HIPK2: variants seen among roughly 807,000 people sequenced by gnomAD.
The protein encoded by HIPK2 is homeodomain-interacting protein kinase 2.
Under a neutral mutation model 113.7 loss-of-function variants are expected in HIPK2, and 27 were observed. The ratio of observed to expected loss-of-function variants is 0.24; its 90% CI spans 0.17 to 0.33. The LOEUF is 0.33. Ranked by LOEUF, HIPK2 falls within the 10% of genes least tolerant of loss-of-function variation. The pLI is 1.00. For synonymous variants in HIPK2, 631 were observed against 642.2 expected, an observed-to-expected ratio of 0.98 and a Z score of 0.26; for missense variants, 1,257 against 1,588.0, an observed-to-expected ratio of 0.79 and a Z score of 3.54.
intron 1 of HIPK2, among the ~76,000 whole-genome samples, chr7:139,761,841 T>C (rs1315392561): frequency 6.6e-6 from 1 of 151,872 alleles, no homozygotes; most frequent in East Asian, 1.9e-4. Context: ...AATCAGATAA[T>C]AAAACAGTAA....
At position 139,777,687 on chromosome 7, in the gene HIPK2, C is replaced by T; in HGVS notation, c.-64G>A. On this transcript the variant is annotated 5_prime_UTR_variant, in exon 1 of 15. Coordinates refer to ENST00000406875, the MANE Select transcript of HIPK2 (RefSeq NM_022740.5). Reference sequence around the variant, plus strand: ...GGAAAGCGGCGCGCGAGCTCGGCCCCCCCAGCCTCAGTCGGAATCTGCCAT... The same window carrying T: ...GGAAAGCGGCGCGCGAGCTCGGCCCTCCCAGCCTCAGTCGGAATCTGCCAT... 1.7e-5 allele frequency: 18 copies of T among 1,084,772 alleles called. No homozygotes were observed. The highest frequency in any genetic ancestry group is 1.9e-5 in the Non-Finnish European group (17 of 892,612). The allele number at this position is 1,084,772 out of a possible 1,614,324, so 67.2% of individuals were successfully genotyped here.
At chr7:139,617,238 T>TA (rs1009160796) in intron 7 of HIPK2, among the ~76,000 whole-genome samples, 9 of 152,046 alleles carry the variant, frequency 5.9e-5, no homozygotes, top group Middle Eastern at 3.4e-3. Flanking sequence ...AAAAACAAGT[T>TA]AAAAAAAATC....
chr7:139,594,050 T>C (rs1380617459), intron 12 of HIPK2, among the ~76,000 whole-genome samples: 3 of 151,966 alleles, frequency 2.0e-5, no homozygotes, highest in African/African-American at 7.3e-5. Context: ...GATAAGCTCC[T>C]GCACAGGGGT....
At chr7:139,696,947 C>T (rs1794584635) in intron 2 of HIPK2, among the ~76,000 whole-genome samples, 1 of 152,128 alleles carries the variant, frequency 6.6e-6, no homozygotes, top group South Asian at 2.1e-4. Flanking sequence ...GGTCAGGAAG[C>T]CGGGATGCAG....
At chr7:139,658,149 T>C (rs1312604110) in intron 2 of HIPK2, among the ~76,000 whole-genome samples, 1 of 152,076 alleles carries the variant, frequency 6.6e-6, no homozygotes, top group Non-Finnish European at 1.5e-5. Context: ...CTACTAAAAA[T>C]AGAAAAATTA....
intron 2 of HIPK2, among the ~76,000 whole-genome samples, chr7:139,655,367 T>G (rs1488688871): frequency 6.6e-6 from 1 of 152,208 alleles, no homozygotes; most frequent in Non-Finnish European, 1.5e-5. Flanking sequence ...GTGGAGCCAG[T>G]AGAGAGTGAA....
chr7:139,664,882 TC>T (rs1220533121), intron 2 of HIPK2, among the ~76,000 whole-genome samples: 1 of 152,214 alleles, frequency 6.6e-6, no homozygotes, highest in Non-Finnish European at 1.5e-5. Flanking sequence ...TGCATAGACA[TC>T]CTACAGATAT....
At chr7:139,753,567 T>C (rs1358990583) in intron 1 of HIPK2, among the ~76,000 whole-genome samples, 1 of 152,140 alleles carries the variant, frequency 6.6e-6, no homozygotes, top group African/African-American at 2.4e-5. Flanking sequence ...CAGCTCAGAG[T>C]GCATTTTTTT....
chr7:139,574,933 G>A (rs947818152), intron 14 of HIPK2, among the ~76,000 whole-genome samples, 195 bp downstream of exon 14: 1 of 152,252 alleles, frequency 6.6e-6, no homozygotes, highest in African/African-American at 2.4e-5. Flanking sequence ...CTGTGCACTG[G>A]TGATATCAAC....
intron 11 of HIPK2, among the ~76,000 whole-genome samples, chr7:139,599,002 C>T (rs765485295): frequency 1.7e-4 from 26 of 152,230 alleles, no homozygotes; most frequent in Non-Finnish European, 3.4e-4. Flanking sequence ...ATGACAACTT[C>T]AGCCCTTGGA....
chr7:139,689,879 C>T (rs1794345251), intron 2 of HIPK2, among the ~76,000 whole-genome samples: 1 of 152,034 alleles, frequency 6.6e-6, no homozygotes, highest in Non-Finnish European at 1.5e-5. Flanking sequence ...GCAGAGCTTC[C>T]CTGACAGGAC....
intron 1 of HIPK2, among the ~76,000 whole-genome samples, chr7:139,722,427 T>C (rs1245284576): frequency 6.6e-6 from 1 of 152,238 alleles, no homozygotes; most frequent in Non-Finnish European, 1.5e-5. Context: ...TTTTAGTTAC[T>C]TTATTGAAAT....
At chr7:139,608,208 C>T (rs994913406) in intron 9 of HIPK2, among the ~76,000 whole-genome samples, 3 of 151,478 alleles carry the variant, frequency 2.0e-5, no homozygotes, top group Admixed American at 6.6e-5. Context: ...TGCACCACTG[C>T]ACTCCAGCCT....
chr7:139,726,505 A>G (rs1795579798), intron 1 of HIPK2, among the ~76,000 whole-genome samples: 1 of 152,148 alleles, frequency 6.6e-6, no homozygotes, highest in Non-Finnish European at 1.5e-5. Context: ...GGGAGAATAG[A>G]ATCTGTTTTC....
chr7:139,758,675 T>C (rs1796401423), intron 1 of HIPK2, among the ~76,000 whole-genome samples: 1 of 152,152 alleles, frequency 6.6e-6, no homozygotes, highest in Admixed American at 6.5e-5. Context: ...ATCCAGATTG[T>C]GCGCTCATTA....
In HIPK2 at chr7:139,577,539, A is replaced by G. The variant is rs536656977; in HGVS notation, c.2966-2251T>C. 1.1e-4 allele frequency among the ~76,000 whole-genome samples: 17 copies of G among 152,272 alleles called. No homozygotes were observed. The South Asian group carries it at 3.3e-3, about 30-fold the overall frequency. On this transcript the variant is annotated intron_variant, in intron 13 of 14. Coordinates refer to ENST00000406875, the MANE Select transcript of HIPK2 (RefSeq NM_022740.5). ...TTCCAGATACCTTTCTCTAACTTCA[A>G]TGACAACGGAAGCAGAAAAAGAGGG...
chr7:139,719,684 C>A (rs557948699), intron 1 of HIPK2, among the ~76,000 whole-genome samples: 2 of 152,214 alleles, frequency 1.3e-5, no homozygotes, highest in Non-Finnish European at 2.9e-5. Context: ...TCACTTGGCT[C>A]CAAAACTATG....
chr7:139,590,969 CA>C (rs1799000605), intron 12 of HIPK2, among the ~76,000 whole-genome samples: 1 of 152,178 alleles, frequency 6.6e-6, no homozygotes, highest in Non-Finnish European at 1.5e-5. Context: ...CTCAGCTTCC[CA>C]AGTAGCTGGG....
chr7:139,713,601 C>T (rs1795133863), intron 2 of HIPK2, among the ~76,000 whole-genome samples: 1 of 152,210 alleles, frequency 6.6e-6, no homozygotes, highest in Admixed American at 6.5e-5. Flanking sequence ...AGTCTTTTTA[C>T]AAGTCGCCAT....
Sources: allele counts gnomAD v4.1 joint callset (sites outside exome capture counted in the v4.1 genomes callset), GRCh38; gene constraint gnomAD v4.1.1; transcripts MANE v1.5; gene names NCBI Gene and HGNC (gene_info 2026-07-23, HGNC 2026-07-21).